The following ITSN2 variants were observed in gnomAD, a reference collection of about 807,000 sequenced individuals.
ITSN2 encodes intersectin 2.
In ITSN2, 156 loss-of-function variants were observed where a neutral mutation model predicts 243.7. That is an observed-to-expected ratio of 0.64 (90% CI 0.56 to 0.73). The LOEUF is 0.73. Ranked by LOEUF, ITSN2 falls within the 30% of genes least tolerant of loss-of-function variation. The pLI, the probability that ITSN2 is intolerant of heterozygous loss-of-function variation, is 0.00. For synonymous variants in ITSN2, 703 were observed against 699.9 expected (o/e 1.00, Z -0.07); for missense variants, 1,801 against 1,996.1 (o/e 0.90, Z 1.86).
At chr2:24,337,869 C>T (rs1284784290) in intron 1 of ITSN2, among the ~76,000 whole-genome samples, 4 of 152,098 alleles carry the variant, frequency 2.6e-5, no homozygotes, top group African/African-American at 9.7e-5. Flanking sequence ...CAGCCAACTT[C>T]CAAACTATAC....
intron 1 of ITSN2, among the ~76,000 whole-genome samples, chr2:24,331,694 A>G (rs777174763): frequency 3.3e-5 from 5 of 150,818 alleles, no homozygotes; most frequent in East Asian, 1.9e-4. Context: ...TGACCCCCCA[A>G]TCATTAGTTA....
intron 4 of ITSN2, 54 bp downstream of exon 4, chr2:24,313,406 T>C (rs1240883657): frequency 5.5e-6 from 8 of 1,457,204 alleles, no homozygotes; most frequent in Non-Finnish European, 7.6e-6. Flanking sequence ...AACACTATAT[T>C]ACAAAAAAAC....
At chr2:24,335,123 A>AAG (rs1480594542) in intron 1 of ITSN2, 1 of 220,008 alleles carries the variant, frequency 4.5e-6, no homozygotes, top group Non-Finnish European at 9.4e-6. Context: ...GGGAAGAGAT[A>AAG]AGAGAAAGGG....
chr2:24,360,868 C>T (rs1174378766), upstream of ITSN2, among the ~76,000 whole-genome samples: 1 of 152,218 alleles, frequency 6.6e-6, no homozygotes, highest in Non-Finnish European at 1.5e-5. Flanking sequence ...TTTGGAAAGT[C>T]CCAAGCAGTG....
At position 24,357,971 on chromosome 2, in the gene ITSN2, G is replaced by A. The variant is rs190440446; in HGVS notation, c.-34+2333C>T. 2.0e-5 allele frequency among the ~76,000 whole-genome samples: 3 copies of A among 152,222 alleles called. No individual in the cohort carries two copies. The East Asian group carries it at 5.8e-4, about 29-fold the overall frequency. ...ACTCTGTCGCCTAGGCTGGAGTGCA[G>A]TGGTGCGATCTCGGTTCACTGCAAC... On this transcript the variant is annotated intron_variant, in intron 1 of 39. Transcript: ENST00000355123.
intron 1 of ITSN2, among the ~76,000 whole-genome samples, chr2:24,348,752 C>T (rs746288289): frequency 1.3e-5 from 2 of 152,088 alleles, no homozygotes; most frequent in Non-Finnish European, 2.9e-5. Flanking sequence ...ACATCTCAAC[C>T]AAAAGGCTAA....
intron 19 of ITSN2, among the ~76,000 whole-genome samples, chr2:24,271,376 G>C (rs1677323601): frequency 1.3e-5 from 2 of 152,214 alleles, no homozygotes; most frequent in South Asian, 4.1e-4. Flanking sequence ...ATCTAAAAGA[G>C]ATACAATACT....
chr2:24,356,857 C>A (rs778966326), intron 1 of ITSN2, among the ~76,000 whole-genome samples: 1 of 151,406 alleles, frequency 6.6e-6, no homozygotes, highest in Non-Finnish European at 1.5e-5. Context: ...GAGTTGGGAT[C>A]GCGCCATTGC....
chr2:24,247,253 C>T (rs1673499461), intron 27 of ITSN2, among the ~76,000 whole-genome samples: 1 of 152,172 alleles, frequency 6.6e-6, no homozygotes, highest in Non-Finnish European at 1.5e-5. Context: ...CACACCAAGG[C>T]TTTGCTGACT....
intron 1 of ITSN2, among the ~76,000 whole-genome samples, chr2:24,337,470 C>A (rs1033137002): frequency 6.7e-6 from 1 of 148,590 alleles, no homozygotes; most frequent in Non-Finnish European, 1.5e-5. Flanking sequence ...CCTGCCTCAG[C>A]CTCCCAAGTA....
At chr2:24,275,916 T>A in intron 17 of ITSN2, 67 bp from the exon 18 acceptor site, 1 of 1,160,304 alleles carries the variant, frequency 8.6e-7, no homozygotes, top group Non-Finnish European at 1.2e-6. Context: ...TGTATTAATG[T>A]GGCATTTGCA....
At chr2:24,243,273 C>A (rs6545365) in intron 29 of ITSN2, among the ~76,000 whole-genome samples, 1 of 152,206 alleles carries the variant, frequency 6.6e-6, no homozygotes, top group African/African-American at 2.4e-5. Context: ...ATTGTCTTGT[C>A]TTGTTTGTAT....
intron 1 of ITSN2, among the ~76,000 whole-genome samples, chr2:24,338,246 C>T (rs1686673379): frequency 6.6e-6 from 1 of 152,156 alleles, no homozygotes; most frequent in South Asian, 2.1e-4. Context: ...TCTATTGATC[C>T]CAGGTCTTTA....
At chr2:24,341,747 G>T (rs1480165994) in intron 1 of ITSN2, among the ~76,000 whole-genome samples, 2 of 152,138 alleles carry the variant, frequency 1.3e-5, no homozygotes, top group Non-Finnish European at 2.9e-5. Flanking sequence ...ATGGTGGTGA[G>T]TGCCTGTGAG....
intron 4 of ITSN2, 145 bp from the exon 5 acceptor site, chr2:24,312,520 TA>T (rs1683381689): frequency 2.1e-6 from 1 of 483,912 alleles, no homozygotes; most frequent in African/African-American, 2.0e-5. Flanking sequence ...ACATGTAAAA[TA>T]TATAATAACA....
At chr2:24,244,007 T>C (rs1009474962) in intron 29 of ITSN2, among the ~76,000 whole-genome samples, 2 of 152,190 alleles carry the variant, frequency 1.3e-5, no homozygotes, top group Non-Finnish European at 2.9e-5. Flanking sequence ...GCTGTTTAGA[T>C]TGGGTATCTC....
At chr2:24,255,355 G>A (rs1391718577) in intron 23 of ITSN2, among the ~76,000 whole-genome samples, 1 of 152,220 alleles carries the variant, frequency 6.6e-6, no homozygotes, top group Admixed American at 6.5e-5. Context: ...TCGGCCAGGT[G>A]TGGTGGCAAA....
At chr2:24,291,563 C>T (rs1163398961) in intron 15 of ITSN2, among the ~76,000 whole-genome samples, 1 of 151,366 alleles carries the variant, frequency 6.6e-6, no homozygotes, top group African/African-American at 2.4e-5. Context: ...GATCTCAGCT[C>T]ACTGCAGCCT....
At chr2:24,293,910 C>A in intron 14 of ITSN2, 135 bp from the exon 15 acceptor site, 1 of 380,190 alleles carries the variant, frequency 2.6e-6, no homozygotes, top group East Asian at 4.1e-5. Flanking sequence ...AAACTGCTTA[C>A]AACTTATGAA....
Sources: allele counts gnomAD v4.1 joint callset (sites outside exome capture counted in the v4.1 genomes callset), GRCh38; gene constraint gnomAD v4.1.1; transcripts MANE v1.5; gene names NCBI Gene and HGNC (gene_info 2026-07-23, HGNC 2026-07-21).